Variants in CTBP1 observed in about 807,000 individuals in gnomAD.
CTBP1 encodes the protein C-terminal binding protein 1.
A neutral mutation model predicts 42.1 loss-of-function variants in CTBP1; 11 were observed. That is an observed-to-expected ratio of 0.26 (90% confidence interval 0.16 to 0.43). CTBP1 has a LOEUF of 0.43. Among genes scored for constraint, CTBP1 ranks in the 20% least tolerant of loss-of-function variants. CTBP1 has a pLI of 1.00. For synonymous variants in CTBP1, 324 were observed against 277.1 expected (o/e 1.17, Z -1.68); for missense variants, 399 against 624.3 (o/e 0.64, Z 3.85).
upstream of CTBP1, chr4:1,249,749 C>G (rs1389201280): frequency 2.8e-6 from 1 of 351,326 alleles, no homozygotes; most frequent in East Asian, 1.4e-4. Flanking sequence ...GGACCGCGTC[C>G]TGCCCGGCCC....
At chr4:1,234,203 A>G (rs1032713492) in intron 3 of CTBP1, among the ~76,000 whole-genome samples, 24 of 152,234 alleles carry the variant, frequency 1.6e-4, no homozygotes, top group Non-Finnish European at 1.8e-4. Flanking sequence ...CTCCACACAC[A>G]GCCCCGGGAG....
chr4:1,212,659 C>T (rs1728668029), intron 9 of CTBP1: 2 of 609,020 alleles, frequency 3.3e-6, no homozygotes, highest in Non-Finnish European at 2.9e-6. Context: ...TCACCCAAAG[C>T]CCCCTCCTCC....
chr4:1,225,229 T>C (rs1451833653), intron 5 of CTBP1, 131 bp downstream of exon 5: 6 of 1,104,812 alleles, frequency 5.4e-6, no homozygotes, highest in Middle Eastern at 3.0e-4. Context: ...GCGCACTCAG[T>C]CCTGTCCTGG....
At chr4:1,213,102 G>A in intron 8 of CTBP1, 72 bp from the exon 9 acceptor site, 1 of 1,267,724 alleles carries the variant, frequency 7.9e-7, no homozygotes, top group Non-Finnish European at 1.1e-6. Context: ...CTGGGTTGAA[G>A]ACACGGGCAG....
intron 6 of CTBP1, 36 bp downstream of exon 6, chr4:1,215,955 G>A (rs770094644): frequency 8.3e-6 from 13 of 1,571,480 alleles, no homozygotes; most frequent in South Asian, 4.6e-5. Context: ...TACCTGCCCC[G>A]CAGAAGTAGA....
In CTBP1 at chr4:1,211,922, G is replaced by A. The variant is rs1489307838; in HGVS notation, c.*318C>T. On this transcript the variant is annotated 3_prime_UTR_variant, in exon 10 of 10. Coordinates refer to ENST00000382952, the MANE Select transcript of CTBP1 (RefSeq NM_001012614.2). ...AATTGACTTCCAAATGCTCCTTCAG[G>A]TTTTCTTTTTGTTGACAGCTAAGCA... 4.0e-6 allele frequency: 1 copy of A among 250,282 alleles called. No homozygotes were observed. Among genetic ancestry groups the A allele is most frequent in the African/African-American group, 2.2e-5 (1 of 44,762 alleles). 15.5% of individuals were successfully genotyped at this position (250,282 alleles called of 1,614,324 possible).
intron 1 of CTBP1, chr4:1,244,250 G>C (rs765898174): frequency 5.0e-4 from 490 of 985,072 alleles, no homozygotes; most frequent in Non-Finnish European, 5.6e-4. Context: ...CTGGGCATCG[G>C]TCCATTCTGG....
At chr4:1,230,535 G>A (rs1449410720) in intron 3 of CTBP1, among the ~76,000 whole-genome samples, 1 of 152,200 alleles carries the variant, frequency 6.6e-6, no homozygotes, top group Non-Finnish European at 1.5e-5. Flanking sequence ...GAGCCCGGGG[G>A]GCTGGCCTGG....
In CTBP1 at chr4:1,245,576, C is replaced by G. The variant is rs934147355; in HGVS notation, c.-189+3340G>C. 1.2e-5 allele frequency: 12 copies of G among 981,326 alleles called. No individual in the cohort carries two copies. The African/African-American group carries it at 1.8e-4, about 14-fold the overall frequency. 60.8% of individuals were successfully genotyped at this position (981,326 alleles called of 1,614,324 possible). On this transcript the variant is annotated intron_variant, in intron 1 of 9. Coordinates refer to ENST00000382952, the MANE Select transcript of CTBP1 (RefSeq NM_001012614.2). ...AGGGTGGCACAGGAGGGCACGGTGACACGGGCGGCAGGGAAGAGTGGCACG... is the reference window on the plus strand; with the variant it reads ...AGGGTGGCACAGGAGGGCACGGTGAGACGGGCGGCAGGGAAGAGTGGCACG...
At chr4:1,214,280 G>A (rs1301161744) in intron 7 of CTBP1, 63 bp downstream of exon 7, 5 of 1,479,042 alleles carry the variant, frequency 3.4e-6, no homozygotes, top group Non-Finnish European at 4.5e-6. Context: ...GCCGTCTGGA[G>A]GTCAAGGCCG....
chr4:1,248,614 G>A (rs1415306097), intron 1 of CTBP1: 1 of 922,828 alleles, frequency 1.1e-6, no homozygotes, highest in African/African-American at 1.8e-5. Context: ...GGTGGAGCTG[G>A]GGGTCCGGCG....
At chr4:1,226,370 C>G (rs1417906723) in intron 4 of CTBP1, among the ~76,000 whole-genome samples, 1 of 152,086 alleles carries the variant, frequency 6.6e-6, no homozygotes, top group Non-Finnish European at 1.5e-5. Context: ...GGCAGGAGGC[C>G]AGGACAGGGC....
chr4:1,227,217 G>A (rs1255988905), intron 4 of CTBP1, among the ~76,000 whole-genome samples: 1 of 151,126 alleles, frequency 6.6e-6, no homozygotes, highest in African/African-American at 2.4e-5. Context: ...CATATGCTGA[G>A]TGCACAAGCA....
At chr4:1,249,839 C>G (rs920200951), upstream of CTBP1, 3 of 212,046 alleles carry the variant, frequency 1.4e-5, no homozygotes, top group African/African-American at 7.1e-5. Flanking sequence ...TAACCAACGT[C>G]CTGACAGCTC....
chr4:1,215,927 G>T, intron 6 of CTBP1, 64 bp downstream of exon 6: 1 of 1,514,356 alleles, frequency 6.6e-7, no homozygotes, highest in Non-Finnish European at 8.9e-7. Context: ...GGAGGGACCT[G>T]CCTGACACCC....
intron 1 of CTBP1, chr4:1,244,858 T>C (rs896008032): frequency 1.0e-6 from 1 of 985,246 alleles, no homozygotes; most frequent in African/African-American, 1.7e-5. Flanking sequence ...GGCCTGGCGG[T>C]GCTGCCCAGC....
chr4:1,250,201 C>T (rs1408936198), upstream of CTBP1: 4 of 191,640 alleles, frequency 2.1e-5, no homozygotes, highest in Admixed American at 1.6e-4. Context: ...GCGTCCTGGG[C>T]TGCCCTGAGA....
rs1164357183 is a variant in CTBP1 at position 1,228,103 on chromosome 4, G to A, written c.307+96C>T. The A allele has an allele frequency of 9.9e-6, 15 of 1,508,994 alleles. No homozygotes were observed. In the East Asian group the frequency reaches 2.1e-4, roughly 21 times the overall value. The allele number at this position is 1,508,994 out of a possible 1,614,324, so 93.5% of individuals were successfully genotyped here. On this transcript the variant is annotated intron_variant, in intron 4 of 9. Transcript: ENST00000382952. ...CCAGCCACACCAGGCAATGTGCAAC[G>A]GGGTCCTCAGTGTGGCAGTGAAGCC... is the stretch of plus-strand genomic sequence containing the variant.
intron 5 of CTBP1, chr4:1,216,648 G>A (rs934180643): frequency 3.4e-5 from 8 of 232,526 alleles, no homozygotes; most frequent in Admixed American, 1.6e-4. Context: ...ACGTGGAGAC[G>A]GCAAAGGGGG....
Sources: gnomAD v4.1 joint callset for allele counts (sites outside exome capture counted in the v4.1 genomes callset) on GRCh38, gnomAD v4.1.1 for gene constraint, MANE v1.5 for transcripts, NCBI Gene and HGNC (gene_info 2026-07-23, HGNC 2026-07-21) for gene names.